Variants in HIBCH observed in about 807,000 individuals in gnomAD.
The protein encoded by HIBCH is 3-hydroxyisobutyryl-CoA hydrolase, also known as 3-hydroxyisobutyryl-CoA hydrolase, mitochondrial.
Under a neutral mutation model 58.2 loss-of-function variants are expected in HIBCH, and 50 were observed. The ratio of observed to expected loss-of-function variants is 0.86; its 90% CI spans 0.68 to 1.09. The LOEUF (loss-of-function observed/expected upper bound fraction) is 1.09. Ranked by LOEUF, HIBCH falls within the 50% of genes least tolerant of loss-of-function variation. The pLI, the probability that HIBCH is intolerant of heterozygous loss-of-function variation, is 0.00. For synonymous variants in HIBCH, 151 were observed against 146.9 expected (o/e 1.03, Z -0.20); for missense variants, 450 against 449.7 (o/e 1.00, Z -0.01).
At chr2:190,310,194 C>A (rs923005295) in intron 2 of HIBCH, among the ~76,000 whole-genome samples, 1 of 152,184 alleles carries the variant, frequency 6.6e-6, no homozygotes, top group Non-Finnish European at 1.5e-5. Flanking sequence ...GGGCCTTTGG[C>A]CACAGACTGG....
intron 10 of HIBCH, 74 bp from the exon 11 acceptor site, chr2:190,245,042 A>G (rs1479246611): frequency 1.1e-6 from 1 of 943,718 alleles, no homozygotes; most frequent in Non-Finnish European, 1.7e-6. Context: ...GAATCTGAAC[A>G]TAGGCTTTCC....
chr2:190,248,878 C>CA (rs918405465), intron 9 of HIBCH, among the ~76,000 whole-genome samples: 257 of 143,216 alleles, frequency 1.8e-3, no homozygotes, highest in Non-Finnish European at 3.1e-3. Flanking sequence ...AAAAAAAAAA[C>CA]AAAAAAAAAA....
At chr2:190,192,662 T>G (rs921152110) in intron 1 of HIBCH, among the ~76,000 whole-genome samples, 1 of 151,828 alleles carries the variant, frequency 6.6e-6, no homozygotes, top group Non-Finnish European at 1.5e-5. Flanking sequence ...ATTTGTCTGT[T>G]TGTTTAGGTT....
chr2:190,222,670 G>T (rs1003132501), intron 11 of HIBCH, among the ~76,000 whole-genome samples: 3 of 152,186 alleles, frequency 2.0e-5, no homozygotes, highest in Non-Finnish European at 2.9e-5. Context: ...TACACTGTTG[G>T]TGGGACTGTA....
intron 2 of HIBCH, among the ~76,000 whole-genome samples, chr2:190,299,238 A>G (rs1688194369): frequency 6.6e-6 from 1 of 152,358 alleles, no homozygotes; most frequent in Non-Finnish European, 1.5e-5. Flanking sequence ...GCATTAAGCA[A>G]CACGTTTATA....
downstream of HIBCH, chr2:190,202,507 T>C (rs55815425): frequency 0.22 from 36,554 of 167,022 alleles, 4,305 homozygotes; most frequent in East Asian, 0.34. Context: ...GTTATCATGG[T>C]ATGGCCTTCA....
intron 4 of HIBCH, among the ~76,000 whole-genome samples, chr2:190,294,016 TTG>T (rs374416471): frequency 0.024 from 1,955 of 82,820 alleles, 38 homozygotes; most frequent in African/African-American, 0.064. Flanking sequence ...AATATATATT[TTG>T]TGTGTATATA....
At chr2:190,223,219 T>C (rs1685777767) in intron 11 of HIBCH, among the ~76,000 whole-genome samples, 1 of 152,166 alleles carries the variant, frequency 6.6e-6, no homozygotes, top group African/African-American at 2.4e-5. Flanking sequence ...TGTATACCTA[T>C]GTAATAAAAC....
chr2:190,236,724 C>T lies in HIBCH; in HGVS notation c.891+8163G>A, dbSNP rs765029755. On this transcript the variant is annotated intron_variant, in intron 11 of 13. Transcript: ENST00000359678. The surrounding 1 kb of genome is among the most constrained non-coding windows in gnomAD (Gnocchi z 4.1). ...AAGGCTTAGAGCCAGTGCAAGAAGGCTGCCTTTTGCAACCTGATCTTAAGA... is the reference window on the plus strand; with the variant it reads ...AAGGCTTAGAGCCAGTGCAAGAAGGTTGCCTTTTGCAACCTGATCTTAAGA... Among the ~76,000 whole-genome samples the T allele has an allele frequency of 2.6e-5, 4 of 152,202 alleles. No homozygotes were observed. Among genetic ancestry groups the T allele is most frequent in the Non-Finnish European group, 4.4e-5 (3 of 68,028 alleles).
intron 1 of HIBCH, among the ~76,000 whole-genome samples, chr2:190,193,524 C>T (rs1689816925): frequency 6.6e-6 from 1 of 152,038 alleles, no homozygotes; most frequent in Non-Finnish European, 1.5e-5. Context: ...TCTAGTGTAG[C>T]CATTAGGGCC....
chr2:190,292,630 G>A (rs1687988002), intron 4 of HIBCH, among the ~76,000 whole-genome samples: 1 of 152,136 alleles, frequency 6.6e-6, no homozygotes, highest in African/African-American at 2.4e-5. Flanking sequence ...GTTTTTAAAA[G>A]AAAGATCTGA....
In HIBCH at chr2:190,306,511, AGTT is replaced by A. The variant is rs1688410300; in HGVS notation, c.78+4240_78+4242del. ...CAGCAGGTTTCCCAAATTGCATGAC[AGTT>A]GTACTGTCATGCAATATACTGCATA... On this transcript the variant is annotated intron_variant, in intron 2 of 13. Transcript: ENST00000359678. This position sits in a 1 kb window ranked among gnomAD's most constrained non-coding sequence, Gnocchi z 4.6. Among the ~76,000 whole-genome samples the A allele has an allele frequency of 6.6e-6, 1 of 152,088 alleles. No homozygotes were observed. The highest frequency in any genetic ancestry group is 6.6e-5 in the Admixed American group (1 of 15,258).
rs1441435524 is a variant in HIBCH at position 190,314,357 on chromosome 2, ACG to A, written c.36-3563_36-3562del. Reference sequence around the variant, plus strand: ...TATATACATATATATGTGTATATATACGTATATATATACGTATATATGTGTAT... The same window carrying A: ...TATATACATATATATGTGTATATATATATATATATACGTATATATGTGTAT... On this transcript the variant is annotated intron_variant, in intron 1 of 13. Transcript: ENST00000359678. Among the ~76,000 whole-genome samples, 10 of 48,700 alleles carry A rather than the reference ACG, an allele frequency of 2.1e-4. 1 individual carries two copies. In the South Asian group the frequency reaches 7.7e-3, roughly 38 times the overall value. The allele number at this position is 48,700 out of a possible 152,430, so 31.9% of individuals were successfully genotyped here. A position where few individuals can be genotyped will look rare whatever the true frequency, so the allele number is the denominator to read the frequency against.
intron 11 of HIBCH, among the ~76,000 whole-genome samples, chr2:190,218,661 C>T (rs2105907336): frequency 6.6e-6 from 1 of 152,318 alleles, no homozygotes; most frequent in East Asian, 1.9e-4. Context: ...ATAGAAGCAA[C>T]AGTTACGCAT....
At chr2:190,298,407 G>C (rs536711227) in intron 2 of HIBCH, among the ~76,000 whole-genome samples, 3 of 152,162 alleles carry the variant, frequency 2.0e-5, no homozygotes, top group Admixed American at 2.0e-4. Flanking sequence ...AGCCTCACCA[G>C]CATCTGTTGT....
chr2:190,196,459 T>C (rs1202737917), intron 1 of HIBCH, among the ~76,000 whole-genome samples: 1 of 152,060 alleles, frequency 6.6e-6, no homozygotes, highest in Non-Finnish European at 1.5e-5. Context: ...CTTTATTTTC[T>C]TGGGTATACT....
intron 5 of HIBCH, among the ~76,000 whole-genome samples, chr2:190,288,175 A>T (rs1687878338): frequency 1.4e-3 from 2 of 1,476 alleles, no homozygotes; most frequent in African/African-American, 4.3e-3. Flanking sequence ...TTTTTTTTTT[A>T]AAAAAAGGAA....
rs1412701972 is a variant in HIBCH at position 190,252,376 on chromosome 2, C to T, written c.518-69G>A. ...AAAAAGATAAATATAACCTTTTTGC[C>T]GTAGATCACACAAACCATTTCTCTC... On this transcript the variant is annotated intron_variant, in intron 7 of 13. Transcript: ENST00000359678. 20 of 1,320,336 alleles carry T rather than the reference C, an allele frequency of 1.5e-5. No homozygotes were observed. The Middle Eastern group carries it at 5.4e-4, about 36-fold the overall frequency. 81.8% of individuals were successfully genotyped at this position (1,320,336 alleles called of 1,614,324 possible).
chr2:190,309,307 G>T (rs953180108), intron 2 of HIBCH, among the ~76,000 whole-genome samples: 3 of 151,980 alleles, frequency 2.0e-5, no homozygotes, highest in Non-Finnish European at 4.4e-5. Flanking sequence ...TACCCCAGAG[G>T]ACTATCATGA....
Sources: allele counts gnomAD v4.1 joint callset (sites outside exome capture counted in the v4.1 genomes callset), GRCh38; gene constraint gnomAD v4.1.1; non-coding constraint Gnocchi (gnomAD v3.1); transcripts MANE v1.5; gene names NCBI Gene and HGNC (gene_info 2026-07-23, HGNC 2026-07-21).